SLC24A3: variants seen among roughly 807,000 people sequenced by gnomAD.
The protein encoded by SLC24A3 is solute carrier family 24 member 3.
SLC24A3 carries 28 observed loss-of-function variants against 75.8 expected under a neutral mutation model. That is an observed-to-expected ratio of 0.37 (90% confidence interval 0.27 to 0.51). The LOEUF is 0.51. Ranked by LOEUF, SLC24A3 falls within the 20% of genes least tolerant of loss-of-function variation. The pLI, the probability that SLC24A3 is intolerant of heterozygous loss-of-function variation, is 0.94. For missense variants in SLC24A3, 663 were observed against 847.8 expected (o/e 0.78, Z 2.71); for synonymous variants, 372 against 334.1 (o/e 1.11, Z -1.24).
intron 1 of SLC24A3, among the ~76,000 whole-genome samples, chr20:19,277,163 TG>T (rs1472606707): frequency 6.6e-5 from 10 of 152,236 alleles, no homozygotes; most frequent in African/African-American, 2.4e-4. Context: ...TCACTATACC[TG>T]GGTTCAAATC....
Position 19,721,354 on chromosome 20 carries a change from C to T in SLC24A3, c.*214C>T, listed in dbSNP as rs935903235. On this transcript the variant is annotated 3_prime_UTR_variant, in exon 17 of 17. Coordinates refer to ENST00000328041, the MANE Select transcript of SLC24A3 (RefSeq NM_020689.4). ...CATGCCCACCCACCCTTTCCTGCCT[C>T]CTCCGTGTGAAGACATCCAACATCC... 5.7e-5 allele frequency: 30 copies of T among 525,854 alleles called. No individual in the cohort carries two copies. The highest frequency in any genetic ancestry group is 9.2e-5 in the South Asian group (3 of 32,486). 32.6% of individuals were successfully genotyped at this position (525,854 alleles called of 1,614,324 possible). A position where few individuals can be genotyped will look rare whatever the true frequency, so the allele number is the denominator to read the frequency against.
intron 16 of SLC24A3, 40 bp downstream of exon 16, chr20:19,717,633 T>C: frequency 6.2e-7 from 1 of 1,611,902 alleles, no homozygotes; most frequent in South Asian, 1.1e-5. Context: ...TGTTTGCCTG[T>C]TCTTTCCTCC....
chr20:19,310,992 G>A (rs955598275), intron 2 of SLC24A3, among the ~76,000 whole-genome samples: 10 of 151,456 alleles, frequency 6.6e-5, no homozygotes, highest in African/African-American at 1.2e-4. Context: ...ATCTTCCTTC[G>A]TTCCTTTCTT....
intron 2 of SLC24A3, among the ~76,000 whole-genome samples, chr20:19,435,929 C>T (rs1052068274): frequency 6.6e-6 from 1 of 152,276 alleles, no homozygotes; most frequent in African/African-American, 2.4e-5. Context: ...TCTCTTGGGT[C>T]TGCAGCTTAA....
chr20:19,592,797 C>CTTTTT (rs11480179), intron 6 of SLC24A3, among the ~76,000 whole-genome samples: 10 of 126,742 alleles, frequency 7.9e-5, no homozygotes, highest in African/African-American at 1.8e-4. Context: ...TTCTTTCTTT[C>CTTTTT]TTTTTTTTTT....
At chr20:19,685,480 A>C in intron 12 of SLC24A3, 119 bp downstream of exon 12, 1 of 1,469,124 alleles carries the variant, frequency 6.8e-7, no homozygotes, top group South Asian at 1.4e-5. Flanking sequence ...TGAACATGAG[A>C]CTATGTATAT....
At chr20:19,604,813 A>C (rs1246239858) in intron 6 of SLC24A3, among the ~76,000 whole-genome samples, 1 of 152,126 alleles carries the variant, frequency 6.6e-6, no homozygotes, top group African/African-American at 2.4e-5. Flanking sequence ...GGAGCTCTGC[A>C]TCCCCACTTC....
intron 1 of SLC24A3, among the ~76,000 whole-genome samples, chr20:19,257,922 C>T (rs772393445): frequency 3.9e-5 from 6 of 152,208 alleles, no homozygotes; most frequent in Non-Finnish European, 8.8e-5. Flanking sequence ...AACTCCTGCA[C>T]GTAAGCCGTC....
chr20:19,288,824 C>T (rs1427380546), intron 2 of SLC24A3, among the ~76,000 whole-genome samples: 1 of 152,206 alleles, frequency 6.6e-6, no homozygotes, highest in African/African-American at 2.4e-5. Context: ...GGGGGCCTGT[C>T]GACTGTCTTT....
intron 2 of SLC24A3, among the ~76,000 whole-genome samples, chr20:19,433,304 CT>C (rs2122455467): frequency 6.6e-6 from 1 of 152,312 alleles, no homozygotes; most frequent in African/African-American, 2.4e-5. Flanking sequence ...ACAGAGAGCT[CT>C]TACACAAACT....
intron 2 of SLC24A3, among the ~76,000 whole-genome samples, chr20:19,388,670 C>T (rs769728338): frequency 3.9e-5 from 6 of 152,160 alleles, no homozygotes; most frequent in African/African-American, 7.2e-5. Flanking sequence ...CGAGATTGGG[C>T]CACTGTAAAT....
At chr20:19,674,058 TC>T (rs1259994975) in intron 9 of SLC24A3, among the ~76,000 whole-genome samples, 5 of 152,144 alleles carry the variant, frequency 3.3e-5, no homozygotes, top group African/African-American at 1.2e-4. Flanking sequence ...GAGCCAGCCA[TC>T]CGGTGGTCTG....
chr20:19,406,745 C>T (rs1259975076), intron 2 of SLC24A3, among the ~76,000 whole-genome samples: 1 of 152,172 alleles, frequency 6.6e-6, no homozygotes, highest in Non-Finnish European at 1.5e-5. Context: ...TCTATGCCCT[C>T]GGTGGCTGGT....
intron 5 of SLC24A3, 47 bp from the exon 6 acceptor site, chr20:19,585,394 T>TGCAACAGGGCC: frequency 6.4e-7 from 1 of 1,573,066 alleles, no homozygotes; most frequent in East Asian, 2.2e-5. Flanking sequence ...CACCTTGGAA[T>TGCAACAGGGCC]GCAACAGGGC....
chr20:19,474,196 C>A (rs1987922855), intron 2 of SLC24A3, among the ~76,000 whole-genome samples: 1 of 152,132 alleles, frequency 6.6e-6, no homozygotes. Flanking sequence ...TCTCCAGCAG[C>A]ACCAGCCTGA....
At chr20:19,352,783 T>G (rs1051628441) in intron 2 of SLC24A3, among the ~76,000 whole-genome samples, 2 of 152,224 alleles carry the variant, frequency 1.3e-5, no homozygotes, top group Non-Finnish European at 2.9e-5. Context: ...TACAATCATC[T>G]TTTAAAGTCT....
At chr20:19,343,444 C>T (rs560115955) in intron 2 of SLC24A3, among the ~76,000 whole-genome samples, 1 of 152,248 alleles carries the variant, frequency 6.6e-6, no homozygotes, top group Admixed American at 6.5e-5. Context: ...AGCAATTAGA[C>T]CCCTCACCTG....
chr20:19,305,298 C>T (rs1319511849), intron 2 of SLC24A3, among the ~76,000 whole-genome samples: 1 of 152,096 alleles, frequency 6.6e-6, no homozygotes, highest in Non-Finnish European at 1.5e-5. Flanking sequence ...ATGGGATCTT[C>T]TTGCAGTTTC....
chr20:19,450,764 C>T (rs1329735325), intron 2 of SLC24A3, among the ~76,000 whole-genome samples: 1 of 151,992 alleles, frequency 6.6e-6, no homozygotes, highest in East Asian at 1.9e-4. Context: ...TTTGGGAGGT[C>T]GAGATGGGTG....
Sources: allele counts gnomAD v4.1 joint callset (sites outside exome capture counted in the v4.1 genomes callset), GRCh38; gene constraint gnomAD v4.1.1; transcripts MANE v1.5; gene names NCBI Gene and HGNC (gene_info 2026-07-23, HGNC 2026-07-21).